The following ZFYVE1 variants were observed in gnomAD, a reference collection of about 807,000 sequenced individuals.
ZFYVE1 encodes the protein zinc finger FYVE domain-containing protein 1.
ZFYVE1 carries 30 observed loss-of-function variants against 74.4 expected under a neutral mutation model. The observed-to-expected ratio is 0.40, with a 90% CI of 0.30 to 0.55. The LOEUF (loss-of-function observed/expected upper bound fraction) is 0.55. Among genes scored for constraint, ZFYVE1 ranks in the 20% least tolerant of loss-of-function variants. The pLI, the probability that ZFYVE1 is intolerant of heterozygous loss-of-function variation, is 0.42. For missense variants in ZFYVE1, 703 were observed against 1,011.6 expected (o/e 0.69, Z 4.14); for synonymous variants, 335 against 385.1 (o/e 0.87, Z 1.52).
chr14:72,983,082 T>A (rs1319815191), intron 4 of ZFYVE1, among the ~76,000 whole-genome samples: 1 of 152,090 alleles, frequency 6.6e-6, no homozygotes, highest in South Asian at 2.1e-4. Context: ...AGGCCTCAGG[T>A]GATCCACCCG....
chr14:72,982,389 G>GAA (rs200299540), intron 4 of ZFYVE1, among the ~76,000 whole-genome samples: 8 of 136,082 alleles, frequency 5.9e-5, no homozygotes, highest in East Asian at 4.1e-4. Flanking sequence ...AATGTCACCA[G>GAA]AAAAAAAAAA....
At chr14:72,979,235 C>T in intron 5 of ZFYVE1, 3 of 379,980 alleles carry the variant, frequency 7.9e-6, no homozygotes, top group Non-Finnish European at 1.5e-5. Context: ...CACGGTGGCT[C>T]ACGTCTGTAA....
At chr14:72,978,307 C>T in intron 6 of ZFYVE1, 73 bp from the exon 7 acceptor site, 1 of 1,482,444 alleles carries the variant, frequency 6.7e-7, no homozygotes, top group Non-Finnish European at 9.3e-7. Flanking sequence ...GGGGTTTTAC[C>T]AGCCCAGGCT....
chr14:73,003,042 T>C (rs982988852), intron 2 of ZFYVE1, among the ~76,000 whole-genome samples: 1 of 130,748 alleles, frequency 7.6e-6, no homozygotes, highest in African/African-American at 3.1e-5. Context: ...TGCCCAGCCC[T>C]TTTTTTCTTT....
intron 4 of ZFYVE1, among the ~76,000 whole-genome samples, chr14:72,987,410 T>C (rs1893508035): frequency 6.6e-6 from 1 of 152,048 alleles, no homozygotes. Flanking sequence ...CTACAAAAAA[T>C]ACAAAAATTA....
chr14:72,996,509 T>G (rs1293812483), intron 3 of ZFYVE1, among the ~76,000 whole-genome samples: 1 of 152,166 alleles, frequency 6.6e-6, no homozygotes, highest in Non-Finnish European at 1.5e-5. Flanking sequence ...TCCTCCTGCC[T>G]TGGCCTCCCA....
At chr14:72,973,515 A>AC (rs1893089869) in intron 11 of ZFYVE1, among the ~76,000 whole-genome samples, 1 of 151,628 alleles carries the variant, frequency 6.6e-6, no homozygotes, top group Admixed American at 6.6e-5. Flanking sequence ...AAACAAACAA[A>AC]AAAAAAGAGA....
At chr14:73,025,091 A>G (rs1359317261) in intron 1 of ZFYVE1, 149 bp from the exon 2 acceptor site, 1 of 148,786 alleles carries the variant, frequency 6.7e-6, no homozygotes, top group Non-Finnish European at 1.5e-5. Context: ...TTTTTGAGAC[A>G]GAGTTTTGCT....
At chr14:72,973,003 C>T (rs1893074858) in intron 11 of ZFYVE1, among the ~76,000 whole-genome samples, 1 of 152,116 alleles carries the variant, frequency 6.6e-6, no homozygotes, top group Admixed American at 6.5e-5. Context: ...CGGTGCCCGG[C>T]CAGCTATTTT....
rs142358330 is a variant in ZFYVE1, at chr14:72,981,883, G to A, written c.1216C>T (p.Arg406Cys). 2.4e-5 allele frequency: 39 copies of A among 1,613,844 alleles called. No individual in the cohort carries two copies. Among genetic ancestry groups the A allele is most frequent in the South Asian group, 9.9e-5 (9 of 91,082 alleles). Reference protein sequence around the residue: ...IFKALKALSDRFSGEIPDDQM... With the variant: ...IFKALKALSDCFSGEIPDDQM... ...TCATCGGGGATCTCACCGCTGAAGC[G>A]GTCACTTAGTGCCTGCCAAGGAGGG... The change falls in exon 5 of 12, where the codon CGC becomes TGC. Residue 406 changes from arginine (R) to cysteine (C), a missense_variant. Coordinates refer to ENST00000556143, the MANE Select transcript of ZFYVE1 (RefSeq NM_021260.4).
intron 2 of ZFYVE1, among the ~76,000 whole-genome samples, chr14:73,013,884 A>G (rs1894140679): frequency 6.6e-6 from 1 of 151,900 alleles, no homozygotes; most frequent in South Asian, 2.1e-4. Flanking sequence ...AGTAGGGAAG[A>G]CTCCCCAGAA....
intron 3 of ZFYVE1, among the ~76,000 whole-genome samples, chr14:72,994,013 CAA>C (rs59059738): frequency 1.4e-4 from 8 of 56,896 alleles, no homozygotes; most frequent in East Asian, 1.1e-3. Flanking sequence ...GATTCCGTCT[CAA>C]AAAAAAAAAA....
At chr14:72,988,806 CAA>C (rs1425078012) in intron 4 of ZFYVE1, among the ~76,000 whole-genome samples, 5 of 79,992 alleles carry the variant, frequency 6.3e-5, no homozygotes, top group Admixed American at 5.4e-4. Flanking sequence ...GACTCTGTCT[CAA>C]AAAAAAAAAA....
At chr14:72,997,253 T>TA (rs1374732260) in intron 3 of ZFYVE1, among the ~76,000 whole-genome samples, 2 of 152,310 alleles carry the variant, frequency 1.3e-5, no homozygotes, top group East Asian at 3.9e-4. Context: ...TCTTAAATTT[T>TA]AAAAAAGAAA....
In ZFYVE1 at chr14:72,969,695, CATG is replaced by C; in HGVS notation, c.*1184_*1186del. The C allele has an allele frequency of 1.4e-6, 1 of 702,284 alleles. No individual in the cohort carries two copies. The highest frequency in any genetic ancestry group is 2.6e-6 in the Non-Finnish European group (1 of 384,766). 43.5% of individuals were successfully genotyped at this position (702,284 alleles called of 1,614,324 possible). ...TTTGGCCACTGAAGATCAAATCCACCATGATGATAGGATTTCAGCACAACGGGC... is the reference window on the plus strand; with the variant it reads ...TTTGGCCACTGAAGATCAAATCCACCATGATAGGATTTCAGCACAACGGGC... On this transcript the variant is annotated 3_prime_UTR_variant, in exon 12 of 12. Coordinates refer to ENST00000556143, the MANE Select transcript of ZFYVE1 (RefSeq NM_021260.4).
intron 2 of ZFYVE1, among the ~76,000 whole-genome samples, chr14:73,021,934 A>G (rs923387894): frequency 2.0e-5 from 3 of 152,202 alleles, no homozygotes; most frequent in African/African-American, 7.2e-5. Flanking sequence ...CCCCAAAAAA[A>G]CATTCTTTTT....
chr14:72,970,675 C>T lies in ZFYVE1; in HGVS notation c.*207G>A, dbSNP rs1383345234. 6.7e-6 allele frequency: 4 copies of T among 598,380 alleles called. No homozygotes were observed. Among genetic ancestry groups the T allele is most frequent in the Non-Finnish European group, 8.9e-6 (3 of 335,214 alleles). The allele number at this position is 598,380 out of a possible 1,614,324, so 37.1% of individuals were successfully genotyped here. A position where few individuals can be genotyped will look rare whatever the true frequency, so the allele number is the denominator to read the frequency against. On this transcript the variant is annotated 3_prime_UTR_variant, in exon 12 of 12. Coordinates refer to ENST00000556143, the MANE Select transcript of ZFYVE1 (RefSeq NM_021260.4). The stretch of plus-strand genomic sequence containing the variant: ...ACGGATTCAGGTTCATTCCCCTTTG[C>T]GATAAGTTGCAAGGTCCCCTGCCCT...
chr14:73,014,195 T>C (rs1040642656), intron 2 of ZFYVE1, among the ~76,000 whole-genome samples: 1 of 152,202 alleles, frequency 6.6e-6, no homozygotes, highest in Non-Finnish European at 1.5e-5. Flanking sequence ...ATGGCTTACA[T>C]GGGTCAAATT....
chr14:73,021,486 C>T (rs1202936824), intron 2 of ZFYVE1, among the ~76,000 whole-genome samples: 1 of 152,220 alleles, frequency 6.6e-6, no homozygotes, highest in African/African-American at 2.4e-5. Flanking sequence ...AAACATGGTC[C>T]TGCTCTCCAG....
Sources: gnomAD v4.1 joint callset for allele counts (sites outside exome capture counted in the v4.1 genomes callset) on GRCh38, gnomAD v4.1.1 for gene constraint, MANE v1.5 for transcripts, NCBI Gene and HGNC (gene_info 2026-07-23, HGNC 2026-07-21) for gene names.